Variants in C8orf74 observed in about 807,000 individuals in gnomAD.
The protein encoded by C8orf74 is chromosome 8 open reading frame 74.
In C8orf74, 29 loss-of-function variants were observed where a neutral mutation model predicts 22.2. That is an observed-to-expected ratio of 1.31 (90% CI 0.97 to 1.78). The LOEUF is 1.78. C8orf74 is among the 40% of genes most tolerant of loss of function. The pLI is 0.00. For missense variants in C8orf74, 515 were observed against 369.9 expected (o/e 1.39, Z -3.22); for synonymous variants, 255 against 163.1 (o/e 1.56, Z -4.30).
chr8:10,692,545 T>G (rs920515239), intron 2 of C8orf74: 1 of 152,300 alleles, frequency 6.6e-6, no homozygotes, highest in Non-Finnish European at 1.5e-5. Flanking sequence ...AGACAAGCTC[T>G]CACCCTGTCA....
chr8:10,698,358 G>C (rs779357082), intron 3 of C8orf74, among the ~76,000 whole-genome samples: 1 of 152,104 alleles, frequency 6.6e-6, no homozygotes, highest in Non-Finnish European at 1.5e-5. Flanking sequence ...GCAGGAAAAA[G>C]ACTCCAGCTT....
intron 2 of C8orf74, among the ~76,000 whole-genome samples, chr8:10,676,248 T>C (rs370109589): frequency 4.4e-4 from 67 of 152,252 alleles, no homozygotes; most frequent in Non-Finnish European, 7.8e-4. Flanking sequence ...ATAATCTCAG[T>C]AGCTGCCAAT....
chr8:10,680,542 T>G (rs1167638770), intron 2 of C8orf74, among the ~76,000 whole-genome samples: 1 of 152,218 alleles, frequency 6.6e-6, no homozygotes, highest in East Asian at 1.9e-4. Flanking sequence ...AAGAAGGAGC[T>G]GCACGCAGGC....
Position 10,672,657 on chromosome 8 carries a change from G to T in C8orf74, c.-9G>T. On this transcript the variant is annotated 5_prime_UTR_variant, in exon 1 of 4. The change abolishes an upstream ATG in the 5' untranslated region. Transcript: ENST00000304519. ...TGGCTCCGTCTCCTGGCAACCAGAT[G>T]CAGGGGCCATGGCACTCTTAACACC... 6.4e-7 allele frequency: 1 copy of T among 1,562,702 alleles called. No individual in the cohort carries two copies. The highest frequency in any genetic ancestry group is 8.7e-7 in the Non-Finnish European group (1 of 1,153,114).
At chr8:10,675,201 C>G (rs1799007351) in intron 2 of C8orf74, among the ~76,000 whole-genome samples, 1 of 152,216 alleles carries the variant, frequency 6.6e-6, no homozygotes, top group African/African-American at 2.4e-5. Context: ...CACGTTGTTC[C>G]TGGTAGGAGA....
In C8orf74 at chr8:10,673,926, C is replaced by T. The variant is rs576353985; in HGVS notation, c.49-720C>T. 2.0e-5 allele frequency among the ~76,000 whole-genome samples: 3 copies of T among 151,320 alleles called. No individual in the cohort carries two copies. The East Asian group carries it at 5.8e-4, about 29-fold the overall frequency. On this transcript the variant is annotated intron_variant, in intron 1 of 3. Transcript: ENST00000304519. ...CATACCCTGCAACCTCGATATCATA[C>T]CCTGCAGCCCCATATCATACCCTCC...
chr8:10,697,881 A>G lies in C8orf74; in HGVS notation c.524A>G (p.Glu175Gly). 6.2e-7 allele frequency: 1 copy of G among 1,612,164 alleles called. No individual in the cohort carries two copies. Reference protein sequence around the residue: ...EQQVATLTEAEAQKRADVLLL... With the variant: ...EQQVATLTEAGAQKRADVLLL... ...CAGGTGGCCACACTGACGGAGGCCG[A>G]GGCACAGAAGCGCGCCGACGTGCTG... The change falls in exon 3 of 4, where the codon GAG becomes GGG. Residue 175 changes from glutamate to glycine, a missense_variant. By Grantham distance (98) the Glu-to-Gly change is moderately conservative. Coordinates refer to ENST00000304519, the MANE Select transcript of C8orf74 (RefSeq NM_001040032.2).
chr8:10,677,318 C>T (rs990081305), intron 2 of C8orf74, among the ~76,000 whole-genome samples: 6 of 152,140 alleles, frequency 3.9e-5, no homozygotes, highest in African/African-American at 1.2e-4. Context: ...ATTTATTGGG[C>T]TTCATATAAT....
intron 2 of C8orf74, among the ~76,000 whole-genome samples, chr8:10,690,275 G>A (rs758276611): frequency 1.3e-5 from 2 of 152,154 alleles, no homozygotes; most frequent in African/African-American, 2.4e-5. Context: ...CTGGGAGACC[G>A]AGTGACCCAG....
chr8:10,686,991 C>A (rs1056282301), intron 2 of C8orf74: 7 of 419,370 alleles, frequency 1.7e-5, no homozygotes, highest in Non-Finnish European at 3.4e-5. Context: ...GTAGAATCAC[C>A]AGGCAACCGC....
rs748610833 is a variant in C8orf74, at chr8:10,697,763, G to C, written c.406G>C (p.Asp136His). The change falls in exon 3 of 4, where the codon GAC becomes CAC. Residue 136 changes from aspartate to histidine, a missense_variant. Physicochemically the swap from Asp to His is moderately conservative, Grantham distance 81 (BLOSUM62 -1). Coordinates refer to ENST00000304519, the MANE Select transcript of C8orf74 (RefSeq NM_001040032.2). ...TGTCCTGGGCCAGGACCAGCAGGTC[G>C]ACCTGACCGTTGCCCACCTGGAGGT... is the stretch of plus-strand genomic sequence containing the variant. ...QYVLGQDQQV[D>H]LTVAHLEVCM... 4.5e-5 allele frequency: 72 copies of C among 1,613,928 alleles called. No homozygotes were observed. Among genetic ancestry groups the C allele is most frequent in the Non-Finnish European group, 6.0e-5 (71 of 1,179,910 alleles).
chr8:10,683,656 G>A (rs1343227682), intron 2 of C8orf74, among the ~76,000 whole-genome samples: 1 of 152,172 alleles, frequency 6.6e-6, no homozygotes, highest in African/African-American at 2.4e-5. Context: ...CCCCAGCTGT[G>A]GCTACAGGGA....
At chr8:10,680,765 G>A (rs1799131829) in intron 2 of C8orf74, among the ~76,000 whole-genome samples, 1 of 152,280 alleles carries the variant, frequency 6.6e-6, no homozygotes, top group Admixed American at 6.5e-5. Flanking sequence ...GTCCTCAGGA[G>A]GGGGCCCAGG....
At chr8:10,685,290 G>A (rs1449132859) in intron 2 of C8orf74, among the ~76,000 whole-genome samples, 1 of 152,168 alleles carries the variant, frequency 6.6e-6, no homozygotes, top group African/African-American at 2.4e-5. Flanking sequence ...TGGCTTCTCT[G>A]GGTACACACC....
At chr8:10,675,279 G>C (rs930304857) in intron 2 of C8orf74, among the ~76,000 whole-genome samples, 5 of 152,254 alleles carry the variant, frequency 3.3e-5, no homozygotes, top group Non-Finnish European at 7.3e-5. Context: ...GATGCAGTCA[G>C]GTGGGTGCAT....
chr8:10,694,234 C>T (rs922512097), intron 2 of C8orf74, among the ~76,000 whole-genome samples: 5 of 152,108 alleles, frequency 3.3e-5, no homozygotes, highest in African/African-American at 1.2e-4. Context: ...ATAGTATTGC[C>T]AGAATCTTAC....
chr8:10,672,661 G>C lies in C8orf74; in HGVS notation c.-5G>C. 1 of 1,563,406 alleles carries C rather than the reference G, an allele frequency of 6.4e-7. No individual in the cohort carries two copies. Among genetic ancestry groups the C allele is most frequent in the South Asian group, 1.2e-5 (1 of 84,604 alleles). ...TCCGTCTCCTGGCAACCAGATGCAG[G>C]GGCCATGGCACTCTTAACACCCCAG... On this transcript the variant is annotated 5_prime_UTR_variant, in exon 1 of 4. Transcript: ENST00000304519.
intron 2 of C8orf74, among the ~76,000 whole-genome samples, chr8:10,682,665 C>G (rs371458102): frequency 3.3e-5 from 5 of 152,218 alleles, no homozygotes; most frequent in African/African-American, 1.2e-4. Flanking sequence ...CAAGTATGTC[C>G]TGACATACTG....
At chr8:10,693,286 C>T (rs1041069335) in intron 2 of C8orf74, among the ~76,000 whole-genome samples, 5 of 152,202 alleles carry the variant, frequency 3.3e-5, no homozygotes, top group African/African-American at 4.8e-5. Context: ...CCAGTAAACC[C>T]CTCTGACCCA....
Sources: allele counts gnomAD v4.1 joint callset (sites outside exome capture counted in the v4.1 genomes callset), GRCh38; gene constraint gnomAD v4.1.1; transcripts MANE v1.5; gene names NCBI Gene and HGNC (gene_info 2026-07-23, HGNC 2026-07-21).